The following CCDC178 variants were observed in gnomAD, a reference collection of about 807,000 sequenced individuals.
CCDC178 encodes the protein coiled-coil domain-containing protein 178.
A neutral mutation model predicts 117.4 loss-of-function variants in CCDC178; 126 were observed. That is an observed-to-expected ratio of 1.07 (90% CI 0.93 to 1.24). The LOEUF (loss-of-function observed/expected upper bound fraction) is 1.24. Among genes scored for constraint, CCDC178 ranks in the 50% most tolerant of loss-of-function variants. The pLI is 0.00. For missense variants in CCDC178, 1,030 were observed against 986.9 expected (o/e 1.04, Z -0.59); for synonymous variants, 283 against 313.4 (o/e 0.90, Z 1.02).
chr18:33,434,338 G>A (rs1468746691), intron 2 of CCDC178, among the ~76,000 whole-genome samples: 2 of 152,234 alleles, frequency 1.3e-5, no homozygotes, highest in East Asian at 1.9e-4. Context: ...TACGCCAACA[G>A]TTTCTTACAG....
At chr18:33,051,702 A>C (rs781678157) in intron 21 of CCDC178, among the ~76,000 whole-genome samples, 2 of 152,214 alleles carry the variant, frequency 1.3e-5, no homozygotes, top group Admixed American at 6.5e-5. Flanking sequence ...GACAGCCAGA[A>C]AGATTTTTGC....
intron 20 of CCDC178, among the ~76,000 whole-genome samples, chr18:33,143,434 T>G (rs936083529): frequency 6.6e-6 from 1 of 152,190 alleles, no homozygotes; most frequent in East Asian, 1.9e-4. Context: ...TGGAAATTTA[T>G]AAATGTAGCC....
At chr18:33,275,771 T>C (rs1160983421) in intron 12 of CCDC178, among the ~76,000 whole-genome samples, 4 of 151,646 alleles carry the variant, frequency 2.6e-5, no homozygotes, top group Non-Finnish European at 4.4e-5. Context: ...CAGAGTTTTT[T>C]CTGCCAGCTT....
intron 20 of CCDC178, among the ~76,000 whole-genome samples, chr18:33,165,447 T>C (rs1437464088): frequency 6.6e-6 from 1 of 152,182 alleles, no homozygotes; most frequent in Non-Finnish European, 1.5e-5. Context: ...TACTATGCCA[T>C]TGTATGTTGG....
At chr18:33,280,648 G>T (rs1259948144) in intron 12 of CCDC178, among the ~76,000 whole-genome samples, 1 of 152,026 alleles carries the variant, frequency 6.6e-6, no homozygotes, top group Non-Finnish European at 1.5e-5. Flanking sequence ...AAAGACACAT[G>T]CACACGTATG....
chr18:32,958,162 G>C (rs1253915311), intron 22 of CCDC178: 1 of 555,490 alleles, frequency 1.8e-6, no homozygotes, highest in Non-Finnish European at 3.3e-6. Flanking sequence ...GTTTGAAGTG[G>C]TTCATAATTA....
intron 21 of CCDC178, among the ~76,000 whole-genome samples, chr18:33,052,624 T>C (rs931234041): frequency 6.6e-6 from 1 of 152,116 alleles, no homozygotes; most frequent in African/African-American, 2.4e-5. Flanking sequence ...GAAAAACATA[T>C]ATGTAGTGTT....
At chr18:33,117,154 A>G (rs1330146252) in intron 20 of CCDC178, among the ~76,000 whole-genome samples, 2 of 152,120 alleles carry the variant, frequency 1.3e-5, no homozygotes, top group Non-Finnish European at 2.9e-5. Flanking sequence ...TGGGCAAAAA[A>G]TGAAGATATT....
chr18:33,084,877 T>C (rs1352097131), intron 21 of CCDC178, among the ~76,000 whole-genome samples: 1 of 152,070 alleles, frequency 6.6e-6, no homozygotes, highest in African/African-American at 2.4e-5. Context: ...GCTGAGTCTA[T>C]CCCTCATGCC....
chr18:32,961,958 T>G (rs1450314803), intron 22 of CCDC178, among the ~76,000 whole-genome samples: 1 of 151,390 alleles, frequency 6.6e-6, no homozygotes, highest in Admixed American at 6.6e-5. Flanking sequence ...TTTTTCTCAT[T>G]GTTTTCTATT....
chr18:33,300,185 C>T (rs984347355), intron 11 of CCDC178, among the ~76,000 whole-genome samples: 2 of 152,144 alleles, frequency 1.3e-5, no homozygotes, highest in African/African-American at 4.8e-5. Context: ...TTGCCTGCTC[C>T]CACTTCACTT....
chr18:33,089,256 T>C (rs1432366398), intron 21 of CCDC178, among the ~76,000 whole-genome samples: 1 of 152,094 alleles, frequency 6.6e-6, no homozygotes, highest in Non-Finnish European at 1.5e-5. Flanking sequence ...GTTTAATTAA[T>C]GCTATAGTAA....
chr18:33,375,326 C>A (rs1020400836), intron 5 of CCDC178, among the ~76,000 whole-genome samples: 1 of 152,056 alleles, frequency 6.6e-6, no homozygotes, highest in Non-Finnish European at 1.5e-5. Flanking sequence ...AAGAAATAAT[C>A]TTTTCCTCTA....
intron 20 of CCDC178, among the ~76,000 whole-genome samples, chr18:33,158,772 T>C (rs1021818649): frequency 8.5e-5 from 13 of 152,152 alleles, no homozygotes; most frequent in Admixed American, 3.9e-4. Flanking sequence ...CAATTTTCTC[T>C]ACACTAAAGT....
chr18:33,076,617 T>C (rs1358953379), intron 21 of CCDC178, among the ~76,000 whole-genome samples: 1 of 152,252 alleles, frequency 6.6e-6, no homozygotes, highest in Non-Finnish European at 1.5e-5. Flanking sequence ...ATTATTATAA[T>C]ATTCTCTATA....
chr18:33,318,109 C>T (rs1156320181), intron 11 of CCDC178, among the ~76,000 whole-genome samples: 1 of 152,166 alleles, frequency 6.6e-6, no homozygotes. Flanking sequence ...AATGTCCAAC[C>T]TCCTCATTAA....
chr18:33,183,024 T>C (rs908609284), intron 20 of CCDC178, among the ~76,000 whole-genome samples: 1 of 152,082 alleles, frequency 6.6e-6, no homozygotes, highest in South Asian at 2.1e-4. Flanking sequence ...TATTTATTTC[T>C]ACATTATCTA....
chr18:33,259,162 A>G (rs1458914511), intron 14 of CCDC178, among the ~76,000 whole-genome samples: 2 of 152,198 alleles, frequency 1.3e-5, no homozygotes, highest in African/African-American at 4.8e-5. Context: ...ATTACTTCAA[A>G]GAGAAAAAAA....
intron 3 of CCDC178, among the ~76,000 whole-genome samples, chr18:33,410,291 G>C (rs1021466240): frequency 6.6e-6 from 1 of 152,136 alleles, no homozygotes; most frequent in Non-Finnish European, 1.5e-5. Flanking sequence ...ACACCTGTAT[G>C]ATTCTCTGTT....
Sources: allele counts gnomAD v4.1 joint callset (sites outside exome capture counted in the v4.1 genomes callset), GRCh38; gene constraint gnomAD v4.1.1; transcripts MANE v1.5; gene names NCBI Gene and HGNC (gene_info 2026-07-23, HGNC 2026-07-21).